The following TOLLIP variants were observed in gnomAD, a reference collection of about 807,000 sequenced individuals.
TOLLIP encodes toll interacting protein.
In TOLLIP, 16 loss-of-function variants were observed where a neutral mutation model predicts 33.5. The ratio of observed to expected loss-of-function variants is 0.48; its 90% CI spans 0.32 to 0.72. The LOEUF is 0.72. Ranked by LOEUF, TOLLIP falls within the 30% of genes least tolerant of loss-of-function variation. The pLI is 0.03. For synonymous variants in TOLLIP, 176 were observed against 163.7 expected (o/e 1.07, Z -0.57); for missense variants, 325 against 396.6 (o/e 0.82, Z 1.53).
intron 5 of TOLLIP, among the ~76,000 whole-genome samples, chr11:1,285,563 C>T (rs1863663851): frequency 6.6e-6 from 1 of 152,190 alleles, no homozygotes; most frequent in Non-Finnish European, 1.5e-5. Context: ...CATCACCCAA[C>T]AGGAGCGTGA....
At chr11:1,279,523 G>A (rs1863426067) in intron 5 of TOLLIP, among the ~76,000 whole-genome samples, 1 of 152,198 alleles carries the variant, frequency 6.6e-6, no homozygotes, top group Non-Finnish European at 1.5e-5. Flanking sequence ...GGACGCCATG[G>A]GAGCCCGGGG....
In TOLLIP at chr11:1,290,706, C is replaced by T. The variant is rs922297587; in HGVS notation, c.184-297G>A. ...GCCGCCACTCACCCACCATGAAGGG[C>T]GCACTCTCTAATGCCCTCCTCAGAA... On this transcript the variant is annotated intron_variant, in intron 2 of 5. Transcript: ENST00000317204. This position sits in a 1 kb window ranked among gnomAD's most constrained non-coding sequence, Gnocchi z 4.9. Among the ~76,000 whole-genome samples, 3 of 152,128 alleles carry T rather than the reference C, an allele frequency of 2.0e-5. No individual in the cohort carries two copies. The highest frequency in any genetic ancestry group is 2.9e-5 in the Non-Finnish European group (2 of 68,022).
chr11:1,296,567 C>G (rs1246963922), intron 1 of TOLLIP, among the ~76,000 whole-genome samples: 1 of 148,320 alleles, frequency 6.7e-6, no homozygotes, highest in East Asian at 2.0e-4. Context: ...GGCCTGGTTG[C>G]TGGAGGAGTG....
chr11:1,286,848 A>G (rs977020797), intron 4 of TOLLIP, among the ~76,000 whole-genome samples: 1 of 151,506 alleles, frequency 6.6e-6, no homozygotes, highest in African/African-American at 2.4e-5. Context: ...CTCTGAGTTT[A>G]GTTCAAAACT....
At chr11:1,289,741 G>A (rs1863871356) in intron 3 of TOLLIP, among the ~76,000 whole-genome samples, 1 of 149,288 alleles carries the variant, frequency 6.7e-6, no homozygotes, top group African/African-American at 2.5e-5. Flanking sequence ...GACCCTGTGC[G>A]CCCAGCGGGG....
At position 1,282,510 on chromosome 11, in the gene TOLLIP, G is replaced by T. The variant is rs1759188753; in HGVS notation, c.610+3492C>A. ...AAATAAAATAGGAAATTGTTTAGGA[G>T]AAATACCTAATGTTAAATGATGAGT... On this transcript the variant is annotated intron_variant, in intron 5 of 5. Coordinates refer to ENST00000317204, the MANE Select transcript of TOLLIP (RefSeq NM_019009.4). Among the ~76,000 whole-genome samples, 5 of 151,112 alleles carry T rather than the reference G, an allele frequency of 3.3e-5. No homozygotes were observed. The South Asian group carries it at 1.0e-3, about 32-fold the overall frequency.
At chr11:1,286,403 T>TG (rs1468382045) in intron 4 of TOLLIP, among the ~76,000 whole-genome samples, 1 of 151,980 alleles carries the variant, frequency 6.6e-6, no homozygotes, top group African/African-American at 2.4e-5. Context: ...CGAGTCGGCC[T>TG]GGGGGGAACC....
At chr11:1,296,140 T>G (rs1265442834) in intron 1 of TOLLIP, among the ~76,000 whole-genome samples, 1 of 152,246 alleles carries the variant, frequency 6.6e-6, no homozygotes, top group Non-Finnish European at 1.5e-5. Flanking sequence ...TTCTTTCTCC[T>G]TGTCCACAGC....
intron 1 of TOLLIP, 24 bp from the exon 2 acceptor site, chr11:1,295,818 G>T (rs373439059): frequency 6.5e-7 from 1 of 1,534,028 alleles, no homozygotes; most frequent in African/African-American, 1.4e-5. Flanking sequence ...GACCAGAGAG[G>T]CCAGTGAGTC....
chr11:1,309,541 G>A lies in TOLLIP; in HGVS notation c.-43C>T. ...CGTGGCTCGCCGACCCGACAGTGACGCGCCGGGCGACCTCCTGCGCCCCCG... is the reference window on the plus strand; with the variant it reads ...CGTGGCTCGCCGACCCGACAGTGACACGCCGGGCGACCTCCTGCGCCCCCG... On this transcript the variant is annotated 5_prime_UTR_variant, in exon 1 of 6. Coordinates refer to ENST00000317204, the MANE Select transcript of TOLLIP (RefSeq NM_019009.4). The A allele has an allele frequency of 8.0e-7, 1 of 1,251,634 alleles. No individual in the cohort carries two copies. The highest frequency in any genetic ancestry group is 1.0e-6 in the Non-Finnish European group (1 of 983,434). The allele number at this position is 1,251,634 out of a possible 1,614,324, so 77.5% of individuals were successfully genotyped here.
chr11:1,294,069 T>C (rs1426140675), intron 2 of TOLLIP, among the ~76,000 whole-genome samples: 1 of 152,176 alleles, frequency 6.6e-6, no homozygotes, highest in Non-Finnish European at 1.5e-5. Context: ...GCCGCGTGGC[T>C]CACAGTGTGT....
rs1180960839 is a variant in TOLLIP at position 1,276,743 on chromosome 11, G to C, written c.*296C>G. On this transcript the variant is annotated 3_prime_UTR_variant, in exon 6 of 6. Transcript: ENST00000317204. ...CTGGCAGAAGCAGCTGCTCTCTACA[G>C]CAAGAGCATTTTCCAGAACGGCATG... 1 of 1,470,938 alleles carries C rather than the reference G, an allele frequency of 6.8e-7. No individual in the cohort carries two copies. Among genetic ancestry groups the C allele is most frequent in the Non-Finnish European group, 9.1e-7 (1 of 1,104,942 alleles). 91.1% of individuals were successfully genotyped at this position (1,470,938 alleles called of 1,614,324 possible).
chr11:1,289,484 C>T (rs5743961), intron 3 of TOLLIP, among the ~76,000 whole-genome samples: 9,400 of 152,304 alleles, frequency 0.062, 334 homozygotes, highest in Admixed American at 0.11. Context: ...CAGCCACGGA[C>T]GGGACTCAGG....
At position 1,275,662 on chromosome 11, in the gene TOLLIP, C is replaced by T. The variant is rs1863273742; in HGVS notation, c.*1377G>A. 6.6e-6 allele frequency: 1 copy of T among 152,180 alleles called. No individual in the cohort carries two copies. Among genetic ancestry groups the T allele is most frequent in the Non-Finnish European group, 1.5e-5 (1 of 68,030 alleles). The allele number at this position is 152,180 out of a possible 1,614,324, so 9.4% of individuals were successfully genotyped here. The stretch of plus-strand genomic sequence containing the variant: ...CAAGTTTACAAAAATAAATATTTAT[C>T]AACAGTATATTTGACAAAAACCACC... On this transcript the variant is annotated 3_prime_UTR_variant, in exon 6 of 6. Coordinates refer to ENST00000317204, the MANE Select transcript of TOLLIP (RefSeq NM_019009.4).
Position 1,295,691 on chromosome 11 carries a change from CCGTACTGCAGCTGCTGGGCCGCCTGGG to C in TOLLIP, c.110_136del (p.Ala37_Tyr45del), listed in dbSNP as rs1864091817. ...TCGGCCCACGGTGCCCACTGCGCCT[CCGTACTGCAGCTGCTGGGCCGCCTGGG>C]CGTCCAGCTGGACCTGCCGCTGCTG... On this transcript the variant is annotated inframe_deletion, in exon 2 of 6. Coordinates refer to ENST00000317204, the MANE Select transcript of TOLLIP (RefSeq NM_019009.4). 6.2e-7 allele frequency: 1 copy of C among 1,611,026 alleles called. No individual in the cohort carries two copies. The highest frequency in any genetic ancestry group is 1.3e-5 in the African/African-American group (1 of 75,014).
At chr11:1,299,789 G>A (rs1864211990) in intron 1 of TOLLIP, among the ~76,000 whole-genome samples, 1 of 152,236 alleles carries the variant, frequency 6.6e-6, no homozygotes, top group African/African-American at 2.4e-5. Context: ...CGTGAGCACA[G>A]GATGCCTGAG....
chr11:1,296,012 A>G (rs1456849218), intron 1 of TOLLIP, among the ~76,000 whole-genome samples: 1 of 152,120 alleles, frequency 6.6e-6, no homozygotes, highest in Non-Finnish European at 1.5e-5. Flanking sequence ...GCCCTCACTC[A>G]GGAGATCCCC....
At chr11:1,300,938 C>T (rs899762429) in intron 1 of TOLLIP, among the ~76,000 whole-genome samples, 1 of 152,270 alleles carries the variant, frequency 6.6e-6, no homozygotes, top group African/African-American at 2.4e-5. Flanking sequence ...TGTGGAGGTG[C>T]TGTTTGTGTC....
chr11:1,295,590 C>T (rs1181962925), intron 2 of TOLLIP, 55 bp downstream of exon 2: 1 of 1,440,270 alleles, frequency 6.9e-7, no homozygotes, highest in East Asian at 2.4e-5. Context: ...TCCGAAATCC[C>T]ACCCCCACCG....
Sources: gnomAD v4.1 joint callset for allele counts (sites outside exome capture counted in the v4.1 genomes callset) on GRCh38, gnomAD v4.1.1 for gene constraint, Gnocchi (gnomAD v3.1) non-coding constraint, MANE v1.5 for transcripts, NCBI Gene and HGNC (gene_info 2026-07-23, HGNC 2026-07-21) for gene names.